PEBP4: variants seen among roughly 807,000 people sequenced by gnomAD.
PEBP4 encodes phosphatidylethanolamine binding protein 4.
In PEBP4, 22 loss-of-function variants were observed where a neutral mutation model predicts 23.9. The ratio of observed to expected loss-of-function variants is 0.92; its 90% CI spans 0.66 to 1.31. PEBP4 has a LOEUF of 1.31. PEBP4 is among the 40% of genes most tolerant of loss of function. The pLI is 0.00. For synonymous variants in PEBP4, 112 were observed against 99.3 expected, an observed-to-expected ratio of 1.13 and a Z score of -0.76; for missense variants, 324 against 281.7, an observed-to-expected ratio of 1.15 and a Z score of -1.07.
intron 1 of PEBP4, among the ~76,000 whole-genome samples, chr8:22,940,439 A>C (rs1373068622): frequency 6.6e-6 from 1 of 152,104 alleles, no homozygotes; most frequent in Non-Finnish European, 1.5e-5. Flanking sequence ...GATGTGCTCA[A>C]ATCACGCTAG....
intron 4 of PEBP4, among the ~76,000 whole-genome samples, chr8:22,741,027 T>C (rs2128750475): frequency 6.6e-6 from 1 of 152,240 alleles, no homozygotes; most frequent in South Asian, 2.1e-4. Flanking sequence ...CCTCAGGGAC[T>C]GGGAAGAGAC....
intron 4 of PEBP4, among the ~76,000 whole-genome samples, chr8:22,793,518 T>C (rs1806183626): frequency 6.6e-6 from 1 of 151,160 alleles, no homozygotes. Context: ...TGACCTCAAG[T>C]GTTCTGCCCA....
chr8:22,862,850 G>GAGT (rs1192399129), intron 3 of PEBP4, among the ~76,000 whole-genome samples: 1 of 148,786 alleles, frequency 6.7e-6, no homozygotes, highest in Non-Finnish European at 1.5e-5. Flanking sequence ...ACCCAGGCTG[G>GAGT]AGTGCAGTGG....
intron 3 of PEBP4, among the ~76,000 whole-genome samples, chr8:22,910,160 C>T (rs769746360): frequency 2.6e-5 from 4 of 152,188 alleles, no homozygotes; most frequent in Non-Finnish European, 4.4e-5. Context: ...TTTCTCATCA[C>T]GGACAGGGAT....
intron 1 of PEBP4, among the ~76,000 whole-genome samples, chr8:22,935,178 C>T (rs1374783917): frequency 3.9e-5 from 6 of 152,176 alleles, no homozygotes. Flanking sequence ...AATTTCAGTA[C>T]TCCACTTTTA....
At chr8:22,801,719 T>C (rs1193946805) in intron 4 of PEBP4, among the ~76,000 whole-genome samples, 2 of 152,042 alleles carry the variant, frequency 1.3e-5, no homozygotes, top group African/African-American at 4.8e-5. Context: ...CACACATGCA[T>C]GCACACACAT....
chr8:22,936,597 T>A (rs1340513410), intron 1 of PEBP4, among the ~76,000 whole-genome samples: 1 of 152,128 alleles, frequency 6.6e-6, no homozygotes, highest in South Asian at 2.1e-4. Flanking sequence ...CCTGACTCAC[T>A]CTGTGAAGCC....
At chr8:22,794,012 T>C (rs1036065681) in intron 4 of PEBP4, among the ~76,000 whole-genome samples, 2 of 152,134 alleles carry the variant, frequency 1.3e-5, no homozygotes, top group African/African-American at 4.8e-5. Flanking sequence ...ATGGCCACAG[T>C]TGGGGAGGGG....
chr8:22,754,195 C>G (rs1040883245), intron 4 of PEBP4, among the ~76,000 whole-genome samples: 1 of 152,160 alleles, frequency 6.6e-6, no homozygotes, highest in Non-Finnish European at 1.5e-5. Flanking sequence ...TGCCCTAGAC[C>G]CCTGGCCGCC....
chr8:22,814,681 A>C (rs754425531), intron 4 of PEBP4, among the ~76,000 whole-genome samples: 2 of 152,214 alleles, frequency 1.3e-5, no homozygotes, highest in East Asian at 1.9e-4. Flanking sequence ...CCACAGGGCC[A>C]TGGTCCCTCT....
chr8:22,856,047 CAAAAAAAAA>C (rs34409506), intron 3 of PEBP4, among the ~76,000 whole-genome samples: 1 of 91,664 alleles, frequency 1.1e-5, no homozygotes, highest in African/African-American at 4.6e-5. Flanking sequence ...GACCCTGTCT[CAAAAAAAAA>C]AAAAAAAAAA....
At chr8:22,734,995 AG>A (rs1804827974) in intron 4 of PEBP4, among the ~76,000 whole-genome samples, 1 of 152,158 alleles carries the variant, frequency 6.6e-6, no homozygotes, top group Non-Finnish European at 1.5e-5. Flanking sequence ...CCTTTGTTCT[AG>A]GTCGTGCGAT....
At chr8:22,716,323 G>C (rs537087458) in intron 6 of PEBP4, among the ~76,000 whole-genome samples, 4 of 152,304 alleles carry the variant, frequency 2.6e-5, no homozygotes, top group African/African-American at 9.6e-5. Flanking sequence ...AGTGCTGATA[G>C]GAAAGATGTT....
At chr8:22,872,560 G>A (rs74824155) in intron 3 of PEBP4, among the ~76,000 whole-genome samples, 205 of 152,350 alleles carry the variant, frequency 1.3e-3, no homozygotes, top group African/African-American at 4.4e-3. Context: ...GTGGAAAAAT[G>A]AAGAGGCAGA....
intron 6 of PEBP4, among the ~76,000 whole-genome samples, chr8:22,716,607 C>T (rs1032058585): frequency 6.6e-6 from 1 of 152,242 alleles, no homozygotes; most frequent in Non-Finnish European, 1.5e-5. Flanking sequence ...CCCCAAGCTT[C>T]CCAAATCTGT....
At chr8:22,718,878 T>C (rs1804464990) in intron 6 of PEBP4, among the ~76,000 whole-genome samples, 1 of 152,184 alleles carries the variant, frequency 6.6e-6, no homozygotes, top group Admixed American at 6.5e-5. Flanking sequence ...TGCTGCTGTG[T>C]TCTGCTACTA....
At chr8:22,930,878 C>G (rs956850504), upstream of PEBP4, among the ~76,000 whole-genome samples, 4 of 152,176 alleles carry the variant, frequency 2.6e-5, no homozygotes, top group Admixed American at 2.0e-4. Context: ...TGCTAGATTT[C>G]TTGGTGCCCA....
chr8:22,804,490 G>A (rs930032543), intron 4 of PEBP4, among the ~76,000 whole-genome samples: 8 of 150,102 alleles, frequency 5.3e-5, no homozygotes, highest in African/African-American at 2.0e-4. Flanking sequence ...TTTTTATTAT[G>A]ATGAGGTCAC....
At chr8:22,794,578 C>T (rs899265418) in intron 4 of PEBP4, among the ~76,000 whole-genome samples, 1 of 152,246 alleles carries the variant, frequency 6.6e-6, no homozygotes, top group Admixed American at 6.5e-5. Flanking sequence ...AGCCACCACA[C>T]CTAGCTGACC....
Sources: gnomAD v4.1 joint callset for allele counts (sites outside exome capture counted in the v4.1 genomes callset) on GRCh38, gnomAD v4.1.1 for gene constraint, MANE v1.5 for transcripts, NCBI Gene and HGNC (gene_info 2026-07-23, HGNC 2026-07-21) for gene names.